NCOA1: variants seen among roughly 807,000 people sequenced by gnomAD.
NCOA1 encodes the protein Hin-2 protein.
A neutral mutation model predicts 150.9 loss-of-function variants in NCOA1; 35 were observed. That is an observed-to-expected ratio of 0.23 (90% confidence interval 0.18 to 0.31). The LOEUF (loss-of-function observed/expected upper bound fraction) is 0.31. NCOA1 is among the 10% of genes least tolerant of loss of function. The pLI is 1.00. For synonymous variants in NCOA1, 590 were observed against 630.0 expected (o/e 0.94, Z 0.95); for missense variants, 1,491 against 1,749.3 (o/e 0.85, Z 2.63).
intron 13 of NCOA1, among the ~76,000 whole-genome samples, chr2:24,708,092 C>T (rs1673548656): frequency 1.3e-5 from 2 of 152,128 alleles, no homozygotes; most frequent in South Asian, 2.1e-4. Context: ...AGTTTTAATG[C>T]AGAATTATAA....
At chr2:24,543,816 G>C (rs1665496429) in intron 1 of NCOA1, among the ~76,000 whole-genome samples, 1 of 152,156 alleles carries the variant, frequency 6.6e-6, no homozygotes, top group Non-Finnish European at 1.5e-5. Context: ...TGTTAGGGCA[G>C]TTGGGCTTTA....
At chr2:24,756,420 A>C (rs1444210838) in intron 20 of NCOA1, among the ~76,000 whole-genome samples, 1 of 152,118 alleles carries the variant, frequency 6.6e-6, no homozygotes, top group Non-Finnish European at 1.5e-5. Context: ...TTTGTTTTAT[A>C]ATTACTTGGG....
chr2:24,668,726 T>C (rs984379714), intron 6 of NCOA1, among the ~76,000 whole-genome samples: 3 of 151,956 alleles, frequency 2.0e-5, no homozygotes, highest in Non-Finnish European at 2.9e-5. Context: ...AGGATTACAG[T>C]TGTGCAGCAA....
chr2:24,712,703 A>G (rs544247840), intron 14 of NCOA1, among the ~76,000 whole-genome samples: 33 of 152,238 alleles, frequency 2.2e-4, no homozygotes, highest in African/African-American at 7.5e-4. Context: ...GAAAGATAAA[A>G]ATGTATTACC....
intron 19 of NCOA1, among the ~76,000 whole-genome samples, chr2:24,748,009 G>A (rs1664024656): frequency 6.6e-6 from 1 of 152,070 alleles, no homozygotes; most frequent in African/African-American, 2.4e-5. Context: ...AGGAGGCTGA[G>A]GCAAGAGAAT....
At chr2:24,756,486 A>G (rs1483633801) in intron 20 of NCOA1, among the ~76,000 whole-genome samples, 1 of 152,186 alleles carries the variant, frequency 6.6e-6, no homozygotes, top group Non-Finnish European at 1.5e-5. Flanking sequence ...TTGGCCTGTC[A>G]ATTCAGTATG....
intron 5 of NCOA1, among the ~76,000 whole-genome samples, chr2:24,662,673 A>G (rs1333571827): frequency 6.6e-6 from 1 of 152,234 alleles, no homozygotes; most frequent in Non-Finnish European, 1.5e-5. Context: ...AAGTAATGTC[A>G]TTATCCTAGT....
At chr2:24,649,584 A>G (rs188376702) in intron 4 of NCOA1, among the ~76,000 whole-genome samples, 5 of 152,320 alleles carry the variant, frequency 3.3e-5, no homozygotes, top group East Asian at 1.9e-4. Flanking sequence ...ATGTGATACA[A>G]TGCTATTTTC....
At chr2:24,543,495 A>AT (rs1026610063) in intron 1 of NCOA1, among the ~76,000 whole-genome samples, 15 of 152,024 alleles carry the variant, frequency 9.9e-5, no homozygotes, top group African/African-American at 2.4e-5. Context: ...AGATAATGTG[A>AT]TTTTTTTGCT....
intron 1 of NCOA1, 35 bp from the exon 2 acceptor site, chr2:24,564,260 A>T (rs1456257288): frequency 6.6e-6 from 1 of 152,194 alleles, no homozygotes; most frequent in Non-Finnish European, 1.5e-5. Flanking sequence ...TAATGTTTTC[A>T]ATGGCCCAAT....
intron 2 of NCOA1, among the ~76,000 whole-genome samples, chr2:24,578,145 A>G (rs1219168351): frequency 6.6e-6 from 1 of 152,146 alleles, no homozygotes; most frequent in Admixed American, 6.5e-5. Context: ...TTTTAAGAAA[A>G]ACAAGTATCT....
At chr2:24,714,366 C>A (rs1236182528) in intron 14 of NCOA1, among the ~76,000 whole-genome samples, 2 of 148,116 alleles carry the variant, frequency 1.4e-5, no homozygotes, top group Non-Finnish European at 3.1e-5. Flanking sequence ...CATACCCAAA[C>A]AAAGTCAGTT....
At chr2:24,764,353 A>G (rs183134170) in intron 22 of NCOA1, among the ~76,000 whole-genome samples, 4 of 152,350 alleles carry the variant, frequency 2.6e-5, no homozygotes, top group Admixed American at 1.3e-4. Context: ...AAAGAAGGCA[A>G]ATTATTAAAT....
rs146093606 is a variant in NCOA1, at chr2:24,540,339, A to C, written c.-395-23956A>C. On this transcript the variant is annotated intron_variant, in intron 1 of 22. Coordinates refer to ENST00000348332, the MANE Select transcript of NCOA1 (RefSeq NM_003743.5). ...GGCTATAAAACAAGAGTAGGCATTT[A>C]TTTAAAAGAGTCAATTAGAGATCTG... 3.1e-3 allele frequency among the ~76,000 whole-genome samples: 478 copies of C among 152,356 alleles called. 1 individual carries two copies. The highest frequency in any genetic ancestry group is 6.8e-3 in the Middle Eastern group (2 of 294).
chr2:24,612,499 T>A (rs1307047786), intron 3 of NCOA1, among the ~76,000 whole-genome samples: 2 of 152,224 alleles, frequency 1.3e-5, no homozygotes, highest in African/African-American at 2.4e-5. Context: ...GGTTGTTTGC[T>A]TTTTCTCCAT....
chr2:24,559,838 T>G (rs138047799), intron 1 of NCOA1, among the ~76,000 whole-genome samples: 53 of 152,312 alleles, frequency 3.5e-4, no homozygotes, highest in East Asian at 2.1e-3. Flanking sequence ...CCCTGTAACA[T>G]AACTGAGAGT....
At chr2:24,556,631 T>A (rs1430959874) in intron 1 of NCOA1, among the ~76,000 whole-genome samples, 1 of 152,118 alleles carries the variant, frequency 6.6e-6, no homozygotes, top group Non-Finnish European at 1.5e-5. Flanking sequence ...GGAAAAAAGC[T>A]CAACATCACT....
At chr2:24,710,290 C>T (rs1673682848) in intron 13 of NCOA1, among the ~76,000 whole-genome samples, 1 of 151,930 alleles carries the variant, frequency 6.6e-6, no homozygotes, top group African/African-American at 2.4e-5. Flanking sequence ...GACGGGGTTG[C>T]CATGTTGGCC....
chr2:24,671,103 G>A lies in NCOA1; in HGVS notation c.257-2263G>A, dbSNP rs923783432. On this transcript the variant is annotated intron_variant, in intron 6 of 22. Coordinates refer to ENST00000348332, the MANE Select transcript of NCOA1 (RefSeq NM_003743.5). ...GAAATACCAAAAATAGTTTATTATA[G>A]CACTGTAGTTATCAAAAGACCTACC... 3.3e-5 allele frequency among the ~76,000 whole-genome samples: 5 copies of A among 152,092 alleles called. No individual in the cohort carries two copies. The East Asian group carries it at 9.6e-4, about 29-fold the overall frequency.
Sources: gnomAD v4.1 joint callset for allele counts (sites outside exome capture counted in the v4.1 genomes callset) on GRCh38, gnomAD v4.1.1 for gene constraint, MANE v1.5 for transcripts, NCBI Gene and HGNC (gene_info 2026-07-23, HGNC 2026-07-21) for gene names.